The following PCDH15 variants were observed in gnomAD, a reference collection of about 807,000 sequenced individuals.
PCDH15 encodes protocadherin-15.
In PCDH15, 129 loss-of-function variants were observed where a neutral mutation model predicts 178.5. That is an observed-to-expected ratio of 0.72 (90% CI 0.63 to 0.84). PCDH15 has a LOEUF of 0.84. PCDH15 is among the 40% of genes least tolerant of loss of function. PCDH15 has a pLI of 0.00. For missense variants in PCDH15, 2,230 were observed against 2,099.9 expected (o/e 1.06, Z -1.21); for synonymous variants, 800 against 732.0 (o/e 1.09, Z -1.50).
At chr10:55,566,754 C>A (rs956147910) in intron 2 of PCDH15, among the ~76,000 whole-genome samples, 14 of 151,576 alleles carry the variant, frequency 9.2e-5, no homozygotes, top group African/African-American at 3.1e-4. Context: ...ATAAAAGCTA[C>A]AAAACATTCC....
chr10:55,290,693 A>G (rs1203197628), intron 1 of PCDH15, among the ~76,000 whole-genome samples: 4 of 152,178 alleles, frequency 2.6e-5, no homozygotes, highest in Admixed American at 1.3e-4. Flanking sequence ...AAGCTTCAAC[A>G]CAGACTATAA....
At chr10:55,529,745 A>G (rs1841402489) in intron 2 of PCDH15, among the ~76,000 whole-genome samples, 1 of 111,430 alleles carries the variant, frequency 9.0e-6, no homozygotes, top group African/African-American at 4.4e-5. Flanking sequence ...CTGTGAGTAT[A>G]TATATATATA....
At chr10:55,330,697 C>T (rs545357212) in intron 2 of PCDH15, among the ~76,000 whole-genome samples, 1 of 151,948 alleles carries the variant, frequency 6.6e-6, no homozygotes, top group East Asian at 1.9e-4. Context: ...CTCATCATTA[C>T]ATTATTGCAG....
chr10:55,232,744 T>G (rs1346875803), intron 1 of PCDH15, among the ~76,000 whole-genome samples: 2 of 152,116 alleles, frequency 1.3e-5, no homozygotes, highest in African/African-American at 4.8e-5. Flanking sequence ...AACTGAAGAC[T>G]GCCTCCACTT....
chr10:55,458,164 A>G (rs1298656601), intron 2 of PCDH15, among the ~76,000 whole-genome samples: 1 of 152,088 alleles, frequency 6.6e-6, no homozygotes, highest in Non-Finnish European at 1.5e-5. Context: ...GGGATCCTTT[A>G]ACTTTTAAAC....
At chr10:55,243,900 T>A (rs1473722062) in intron 1 of PCDH15, among the ~76,000 whole-genome samples, 1 of 152,164 alleles carries the variant, frequency 6.6e-6, no homozygotes, top group African/African-American at 2.4e-5. Flanking sequence ...TGGCTACTTC[T>A]CACTTAGCTT....
chr10:54,224,237 A>G (rs2053192883), intron 9 of PCDH15, among the ~76,000 whole-genome samples: 1 of 152,146 alleles, frequency 6.6e-6, no homozygotes, highest in Admixed American at 6.5e-5. Context: ...AACACCCACA[A>G]TTTCCTTTGG....
At chr10:54,091,820 T>C (rs183802732) in intron 15 of PCDH15, among the ~76,000 whole-genome samples, 5 of 152,316 alleles carry the variant, frequency 3.3e-5, no homozygotes, top group South Asian at 2.1e-4. Context: ...ACTTATTTTA[T>C]ATTGGATTGT....
intron 2 of PCDH15, among the ~76,000 whole-genome samples, chr10:55,125,879 C>G (rs113901641): frequency 0.05 from 7,653 of 152,144 alleles, 263 homozygotes; most frequent in Non-Finnish European, 0.077. Flanking sequence ...TTTCTTTCGC[C>G]ATCCATTTCA....
At chr10:55,485,251 G>T (rs1293056649) in intron 2 of PCDH15, among the ~76,000 whole-genome samples, 2 of 151,620 alleles carry the variant, frequency 1.3e-5, no homozygotes, top group African/African-American at 4.8e-5. Flanking sequence ...TTCAACAGAA[G>T]ATATGCAATT....
chr10:54,164,513 A>G (rs2046016978), intron 13 of PCDH15, among the ~76,000 whole-genome samples: 1 of 152,238 alleles, frequency 6.6e-6, no homozygotes, highest in African/African-American at 2.4e-5. Context: ...GAATGTATCA[A>G]CACTTATAAA....
intron 1 of PCDH15, among the ~76,000 whole-genome samples, chr10:55,192,712 G>A (rs1839974630): frequency 1.3e-5 from 2 of 150,346 alleles, no homozygotes; most frequent in Admixed American, 1.3e-4. Context: ...GAGTTTCATA[G>A]ATGAAAGAAT....
chr10:53,808,848 A>G, intron 37 of PCDH15: 1 of 1,608,780 alleles, frequency 6.2e-7, no homozygotes, highest in South Asian at 1.1e-5. Flanking sequence ...ATTCCTCCTC[A>G]CTTTCCACAC....
chr10:53,828,207 C>CAAAAAAAAAAAAAAA (rs71004480), intron 31 of PCDH15, among the ~76,000 whole-genome samples: 6 of 53,774 alleles, frequency 1.1e-4, no homozygotes, highest in African/African-American at 4.3e-4. Context: ...AAGTCCGTCT[C>CAAAAAAAAAAAAAAA]AAAAAAAAAA....
intron 2 of PCDH15, among the ~76,000 whole-genome samples, chr10:55,417,783 A>G (rs1838520484): frequency 6.6e-6 from 1 of 151,384 alleles, no homozygotes; most frequent in Non-Finnish European, 1.5e-5. Flanking sequence ...AACAAGTGAG[A>G]TTGGATTTTG....
intron 2 of PCDH15, among the ~76,000 whole-genome samples, chr10:54,535,897 AC>A (rs2084467572): frequency 6.6e-6 from 1 of 152,094 alleles, no homozygotes; most frequent in Non-Finnish European, 1.5e-5. Flanking sequence ...CATTGTCAAA[AC>A]ATGTTAATCT....
chr10:55,251,118 T>A, intron 1 of PCDH15, among the ~76,000 whole-genome samples: 1 of 152,096 alleles, frequency 6.6e-6, no homozygotes, highest in East Asian at 1.9e-4. Context: ...TCCAAGATAT[T>A]GTATCAGTAT....
intron 2 of PCDH15, among the ~76,000 whole-genome samples, chr10:55,080,467 T>C (rs1842010742): frequency 6.6e-6 from 1 of 152,096 alleles, no homozygotes. Context: ...CCAAAAATGT[T>C]GGGTACCACT....
chr10:53,924,247 C>T (rs969004420), intron 25 of PCDH15, among the ~76,000 whole-genome samples: 40 of 152,048 alleles, frequency 2.6e-4, no homozygotes, highest in African/African-American at 9.2e-4. Flanking sequence ...TTCCGGTGGG[C>T]ATGGGCTTGG....
Sources: allele counts gnomAD v4.1 joint callset (sites outside exome capture counted in the v4.1 genomes callset), GRCh38; gene constraint gnomAD v4.1.1; transcripts MANE v1.5; gene names NCBI Gene and HGNC (gene_info 2026-07-23, HGNC 2026-07-21).